Variants in USP20 observed in about 807,000 individuals in gnomAD.
The protein encoded by USP20 is ubiquitin specific peptidase 20.
Under a neutral mutation model 124.2 loss-of-function variants are expected in USP20, and 80 were observed. The observed-to-expected ratio is 0.64, with a 90% CI of 0.54 to 0.78. USP20 has a LOEUF of 0.78. Among genes scored for constraint, USP20 ranks in the 30% least tolerant of loss-of-function variants. The probability of loss-of-function intolerance (pLI) is 0.00; values close to 1 mark genes in which losing one functional copy is unlikely to be tolerated. For missense variants in USP20, 1,043 were observed against 1,244.4 expected (o/e 0.84, Z 2.44); for synonymous variants, 481 against 512.3 (o/e 0.94, Z 0.83).
In USP20 at chr9:129,867,859, C is replaced by G. The variant is rs1024925534; in HGVS notation, c.691-146C>G. ...GGTTAGGACAGACTGCCATGGGAGG[C>G]CGCTGTGGGGGTGAGCAACTCTTCT... On this transcript the variant is annotated intron_variant, in intron 10 of 25. Coordinates refer to ENST00000372429, the MANE Select transcript of USP20 (RefSeq NM_001110303.4). 1.8e-5 allele frequency: 17 copies of G among 953,246 alleles called. No homozygotes were observed. In the African/African-American group the frequency reaches 2.6e-4, roughly 15 times the overall value. 59.0% of individuals were successfully genotyped at this position (953,246 alleles called of 1,614,324 possible). A position where few individuals can be genotyped will look rare whatever the true frequency, so the allele number is the denominator to read the frequency against.
intron 1 of USP20, among the ~76,000 whole-genome samples, chr9:129,840,755 A>G (rs373231118): frequency 7.0e-6 from 1 of 142,764 alleles, no homozygotes; most frequent in Non-Finnish European, 1.5e-5. Flanking sequence ...CGTGAGTTCC[A>G]CCTTTAGAAA....
intron 4 of USP20, among the ~76,000 whole-genome samples, 158 bp from the exon 5 acceptor site, chr9:129,857,884 GTACAGACC>G (rs2033296279): frequency 6.6e-6 from 1 of 152,236 alleles, no homozygotes; most frequent in South Asian, 2.1e-4. Context: ...AACTTCAGGT[GTACAGACC>G]TACAGACCCG....
chr9:129,845,769 A>G (rs910924224), intron 1 of USP20, among the ~76,000 whole-genome samples: 1 of 152,208 alleles, frequency 6.6e-6, no homozygotes, highest in Non-Finnish European at 1.5e-5. Flanking sequence ...AAGGCAACAC[A>G]AGTTCATTGT....
At position 129,880,972 on chromosome 9, in the gene USP20, A is replaced by G. The variant is rs2034615212; in HGVS notation, c.*522A>G. On this transcript the variant is annotated 3_prime_UTR_variant, in exon 26 of 26. Coordinates refer to ENST00000372429, the MANE Select transcript of USP20 (RefSeq NM_001110303.4). ...CTGGGCGTCACCAGGAAGGCTCTGA[A>G]GTCCCGGGCTGCTCTCAGCACTTCT... 1 of 152,424 alleles carries G rather than the reference A, an allele frequency of 6.6e-6. No individual in the cohort carries two copies. Among genetic ancestry groups the G allele is most frequent in the African/African-American group, 2.4e-5 (1 of 41,436 alleles). 9.4% of individuals were successfully genotyped at this position (152,424 alleles called of 1,614,324 possible).
rs763444620 is a variant in USP20, at chr9:129,868,087, C to T, written c.773C>T (p.Thr258Met). Reference protein sequence around the residue: ...KEPVVATVALTEARDSDSSDT... With the variant: ...KEPVVATVALMEARDSDSSDT... ...CCGGTGGTGGCCACGGTGGCGCTGA[C>T]GGAGGCTCGGGACTCAGATTCGAGT... The change falls in exon 11 of 26, where the codon ACG becomes ATG. Residue 258 changes from threonine to methionine, a missense_variant. By Grantham distance (81) the Thr-to-Met change is moderately conservative (BLOSUM62 -1). Transcript: ENST00000372429. 2.0e-5 allele frequency: 32 copies of T among 1,613,906 alleles called. No individual in the cohort carries two copies. Among genetic ancestry groups the T allele is most frequent in the African/African-American group, 4.0e-5 (3 of 74,896 alleles).
chr9:129,847,496 T>G (rs2032649293), intron 1 of USP20, among the ~76,000 whole-genome samples: 1 of 151,858 alleles, frequency 6.6e-6, no homozygotes, highest in South Asian at 2.1e-4. Flanking sequence ...TGAGACAGGG[T>G]TTCACCATGT....
chr9:129,880,325 G>C, intron 25 of USP20, 36 bp downstream of exon 25: 1 of 1,528,990 alleles, frequency 6.5e-7, no homozygotes, highest in Non-Finnish European at 8.8e-7. Context: ...ATGGCACTCT[G>C]GGTCCTCTCC....
At chr9:129,838,372 C>T (rs1265710287) in intron 1 of USP20, among the ~76,000 whole-genome samples, 1 of 152,124 alleles carries the variant, frequency 6.6e-6, no homozygotes, top group Non-Finnish European at 1.5e-5. Context: ...AGGAAAGTGG[C>T]AGTGCTCTTT....
chr9:129,881,376 C>T lies in USP20; in HGVS notation c.*926C>T, dbSNP rs2034631007. On this transcript the variant is annotated 3_prime_UTR_variant, in exon 26 of 26. Coordinates refer to ENST00000372429, the MANE Select transcript of USP20 (RefSeq NM_001110303.4). Reference sequence around the variant, plus strand: ...GCTCAGGTGGATCCTGGGAAGCAGCCTCTGGATGCTGAGTGGAGGGAGCCA... The same window carrying T: ...GCTCAGGTGGATCCTGGGAAGCAGCTTCTGGATGCTGAGTGGAGGGAGCCA... 1 of 152,326 alleles carries T rather than the reference C, an allele frequency of 6.6e-6. No homozygotes were observed. The highest frequency in any genetic ancestry group is 2.1e-4 in the South Asian group (1 of 4,834). The allele number at this position is 152,326 out of a possible 1,614,324, so 9.4% of individuals were successfully genotyped here.
chr9:129,875,012 C>T lies in USP20; in HGVS notation c.2048+57C>T, dbSNP rs1055050709. The T allele has an allele frequency of 2.5e-6, 4 of 1,590,454 alleles. No homozygotes were observed. In the African/African-American group the frequency reaches 5.4e-5, roughly 21 times the overall value. ...CTCACCATCCCCGTCCCCTGGGACC[C>T]ATGGGCCTTCTGGGTGTGTGTAGGG... On this transcript the variant is annotated intron_variant, in intron 19 of 25. Transcript: ENST00000372429.
At position 129,858,047 on chromosome 9, in the gene USP20, C is replaced by A. The variant is rs202180100; in HGVS notation, c.136-3C>A. 3.4e-5 allele frequency: 55 copies of A among 1,613,674 alleles called. 1 individual carries two copies. The East Asian group carries it at 1.2e-3, about 35-fold the overall frequency. ...AGTCCACTCTCCTTCCCTCTCTTCCCAGGTTGCCTGCCCCTATGTTGGCTG... is the reference window on the plus strand; with the variant it reads ...AGTCCACTCTCCTTCCCTCTCTTCCAAGGTTGCCTGCCCCTATGTTGGCTG... On this transcript the variant is annotated splice_polypyrimidine_tract_variant and splice_region_variant and intron_variant, in intron 4 of 25. Transcript: ENST00000372429.
At chr9:129,875,244 G>A in intron 19 of USP20, 66 bp from the exon 20 acceptor site, 1 of 1,487,320 alleles carries the variant, frequency 6.7e-7, no homozygotes, top group Non-Finnish European at 9.0e-7. Context: ...CTGGGATGGG[G>A]GCTCTGCATG....
Position 129,880,159 on chromosome 9 carries a change from C to T in USP20, c.2631C>T (p.Asn877=), listed in dbSNP as rs1353655970. 2.5e-6 allele frequency: 4 copies of T among 1,613,872 alleles called. No individual in the cohort carries two copies. Among genetic ancestry groups the T allele is most frequent in the Non-Finnish European group, 3.4e-6 (4 of 1,180,050 alleles). ...QISEETWTYL[N]SLYGGGPEIA... ...CGGAGGAGACCTGGACCTACCTGAA[C>T]AGCCTGTATGGAGGTGGCCCCGAGA... Residue 877 remains asparagine (N), a synonymous_variant, in exon 25 of 26, where the codon AAC becomes AAT. Transcript: ENST00000372429.
At chr9:129,860,347 C>A (rs752061344) in intron 6 of USP20, among the ~76,000 whole-genome samples, 15 of 120,302 alleles carry the variant, frequency 1.2e-4, no homozygotes, top group African/African-American at 2.7e-4. Context: ...AAAAAAAAAA[C>A]GTCTACATAA....
In USP20 at chr9:129,861,619, C is replaced by T. The variant is rs375462812; in HGVS notation, c.497+7C>T. The T allele has an allele frequency of 4.6e-4, 749 of 1,613,898 alleles. No individual in the cohort carries two copies. The highest frequency in any genetic ancestry group is 6.0e-4 in the Non-Finnish European group (713 of 1,179,874). ...TGCAGGCCCTGTCCAATTGGTAGGT[C>T]GACACTTTGTCCGAGGGCCGAGAGC... is the stretch of plus-strand genomic sequence containing the variant. On this transcript the variant is annotated splice_region_variant and intron_variant, in intron 8 of 25. Transcript: ENST00000372429.
rs144193967 is a variant in USP20 at position 129,872,918 on chromosome 9, G to C, written c.1661-564G>C. On this transcript the variant is annotated intron_variant, in intron 15 of 25. Coordinates refer to ENST00000372429, the MANE Select transcript of USP20 (RefSeq NM_001110303.4). ...CCACCCCACCTCCATTTTGCCTTTT[G>C]CCTTTTAATTTTGCTTTTGGTGGTA... is the stretch of plus-strand genomic sequence containing the variant. Among the ~76,000 whole-genome samples the C allele has an allele frequency of 1.4e-3, 215 of 151,970 alleles. 2 individuals are homozygous for C. The highest frequency in any genetic ancestry group is 0.01 in the Middle Eastern group (3 of 294).
Position 129,861,623 on chromosome 9 carries a change from A to C in USP20, c.497+11A>C, listed in dbSNP as rs200664921. The C allele has an allele frequency of 2.3e-3, 3,656 of 1,613,882 alleles. 4 individuals are homozygous for C. Among genetic ancestry groups the C allele is most frequent in the Non-Finnish European group, 2.8e-3 (3,345 of 1,179,856 alleles). On this transcript the variant is annotated intron_variant, in intron 8 of 25. Transcript: ENST00000372429. ...GGCCCTGTCCAATTGGTAGGTCGAC[A>C]CTTTGTCCGAGGGCCGAGAGCTGTC... is the stretch of plus-strand genomic sequence containing the variant.
chr9:129,874,442 C>T (rs571976530), intron 17 of USP20, 134 bp from the exon 18 acceptor site: 1 of 1,187,586 alleles, frequency 8.4e-7, no homozygotes, highest in East Asian at 2.5e-5. Context: ...GTCTGGCCCC[C>T]ACGTGGAACT....
At chr9:129,851,193 A>C (rs951894097) in intron 2 of USP20, among the ~76,000 whole-genome samples, 5 of 152,242 alleles carry the variant, frequency 3.3e-5, no homozygotes, top group Admixed American at 2.0e-4. Context: ...GGCAGTTGCA[A>C]AAAATGTACC....
Sources: gnomAD v4.1 joint callset for allele counts (sites outside exome capture counted in the v4.1 genomes callset) on GRCh38, gnomAD v4.1.1 for gene constraint, MANE v1.5 for transcripts, NCBI Gene and HGNC (gene_info 2026-07-23, HGNC 2026-07-21) for gene names.